Variants in TM2D2 observed in about 807,000 individuals in gnomAD.
The protein encoded by TM2D2 is TM2 domain containing 2, also known as TM2 domain-containing protein 2.
Under a neutral mutation model 23.0 loss-of-function variants are expected in TM2D2, and 19 were observed. That is an observed-to-expected ratio of 0.82 (90% confidence interval 0.58 to 1.21). The LOEUF (loss-of-function observed/expected upper bound fraction) is 1.21. TM2D2 is among the 50% of genes most tolerant of loss of function. The pLI is 0.00. For synonymous variants in TM2D2, 120 were observed against 108.8 expected (o/e 1.10, Z -0.64); for missense variants, 246 against 265.4 (o/e 0.93, Z 0.51).
Position 38,991,309 on chromosome 8 carries a change from C to G in TM2D2, c.*23G>C, listed in dbSNP as rs746672035. 2.5e-6 allele frequency: 4 copies of G among 1,604,670 alleles called. No individual in the cohort carries two copies. In the South Asian group the frequency reaches 3.3e-5, roughly 13 times the overall value. The stretch of plus-strand genomic sequence containing the variant: ...GAAGACGGAGCTTTCACCCGCCTCC[C>G]TGGGCCATGATGGCAGCTCTTCTTA... On this transcript the variant is annotated 3_prime_UTR_variant, in exon 4 of 4. Coordinates refer to ENST00000456397, the MANE Select transcript of TM2D2 (RefSeq NM_078473.3).
upstream of TM2D2, chr8:38,996,896 C>G (rs1233249201): frequency 6.8e-7 from 1 of 1,464,834 alleles, no homozygotes; most frequent in Non-Finnish European, 9.1e-7. Context: ...GAGCTCGGAC[C>G]GAGGGCTCAG....
At position 38,996,098 on chromosome 8, in the gene TM2D2, TCA is replaced by T. The variant is rs140825266; in HGVS notation, c.227+113_227+114del. 1.9e-3 allele frequency: 2,380 copies of T among 1,273,438 alleles called. 24 individuals carry two copies. In the African/African-American group the frequency reaches 0.03, roughly 16 times the overall value. The allele number at this position is 1,273,438 out of a possible 1,614,324, so 78.9% of individuals were successfully genotyped here. On this transcript the variant is annotated intron_variant, in intron 1 of 3. Coordinates refer to ENST00000456397, the MANE Select transcript of TM2D2 (RefSeq NM_078473.3). ...CATGATATTTGCCTCCGGAACGACC[TCA>T]GAGAGGCAGGGTCTGAAAAAATGCA...
chr8:38,995,154 C>A (rs1835719575), intron 2 of TM2D2, 164 bp downstream of exon 2: 1 of 566,294 alleles, frequency 1.8e-6, no homozygotes, highest in Non-Finnish European at 3.0e-6. Flanking sequence ...AACCAAATAT[C>A]TTGTTCAGTC....
At chr8:38,995,256 G>T in intron 2 of TM2D2, 62 bp downstream of exon 2, 1 of 1,184,084 alleles carries the variant, frequency 8.4e-7, no homozygotes, top group Non-Finnish European at 1.2e-6. Context: ...TTATGTAATA[G>T]CATTCAGACA....
At chr8:38,995,276 C>T in intron 2 of TM2D2, 42 bp downstream of exon 2, 1 of 1,371,514 alleles carries the variant, frequency 7.3e-7, no homozygotes. Context: ...ATTCCTATTT[C>T]GTTATCGAAG....
chr8:38,991,550 G>A lies in TM2D2; in HGVS notation c.432-5C>T, dbSNP rs199615903. ...ATGAAGTAGTGTCCGGTATACCTAG[G>A]TGAAAGGAATGAAAAGGAAGATGTT... On this transcript the variant is annotated splice_region_variant and splice_polypyrimidine_tract_variant and intron_variant, in intron 3 of 3. Coordinates refer to ENST00000456397, the MANE Select transcript of TM2D2 (RefSeq NM_078473.3). 4.2e-5 allele frequency: 68 copies of A among 1,604,086 alleles called. No homozygotes were observed. The highest frequency in any genetic ancestry group is 5.2e-5 in the Non-Finnish European group (61 of 1,171,110).
intron 3 of TM2D2, among the ~76,000 whole-genome samples, chr8:38,992,647 A>C (rs1173051985): frequency 2.0e-5 from 3 of 152,178 alleles, no homozygotes; most frequent in Non-Finnish European, 4.4e-5. Flanking sequence ...TGGATTGGAC[A>C]AGAAGTCATC....
upstream of TM2D2, chr8:38,996,655 C>A: frequency 1.4e-6 from 2 of 1,429,718 alleles, no homozygotes; most frequent in Non-Finnish European, 9.1e-7. Flanking sequence ...TCTGCTTCTG[C>A]TTCTCGATTC....
upstream of TM2D2, chr8:38,996,880 G>A (rs1835823365): frequency 5.5e-6 from 8 of 1,463,214 alleles, no homozygotes; most frequent in South Asian, 6.5e-5. Flanking sequence ...AGGCGATGTC[G>A]GGAGCGAGCT....
Position 38,995,909 on chromosome 8 carries a change from T to A in TM2D2, c.227+304A>T. On this transcript the variant is annotated intron_variant, in intron 1 of 3. Transcript: ENST00000456397. ...TGGCACCGAATCGACCGACTAATAC[T>A]CTCCTTGGGCTAAAGGGCGCAGGGC... The A allele has an allele frequency of 3.7e-6, 3 of 810,436 alleles. No individual in the cohort carries two copies. In the East Asian group the frequency reaches 1.1e-4, roughly 29 times the overall value. 50.2% of individuals were successfully genotyped at this position (810,436 alleles called of 1,614,324 possible).
At chr8:38,992,752 C>T (rs1428506480) in intron 3 of TM2D2, among the ~76,000 whole-genome samples, 2 of 152,178 alleles carry the variant, frequency 1.3e-5, no homozygotes, top group African/African-American at 2.4e-5. Context: ...CAGCTGGCTT[C>T]CTGCATGTAG....
chr8:38,993,915 C>T (rs540037003), intron 2 of TM2D2: 1 of 277,764 alleles, frequency 3.6e-6, no homozygotes, highest in East Asian at 6.6e-5. Flanking sequence ...TAAAAAAAAC[C>T]CCCAAACACA....
upstream of TM2D2, chr8:38,996,692 C>T: frequency 1.4e-6 from 2 of 1,424,164 alleles, no homozygotes; most frequent in Non-Finnish European, 1.8e-6. Flanking sequence ...GCTCCTCCTT[C>T]TTTTGCGCCG....
At chr8:38,996,172 A>T (rs745999755) in intron 1 of TM2D2, 41 bp downstream of exon 1, 4 of 1,591,224 alleles carry the variant, frequency 2.5e-6, no homozygotes, top group Non-Finnish European at 3.4e-6. Flanking sequence ...TATTCCTGGC[A>T]CACCCTCCAC....
upstream of TM2D2, chr8:38,996,982 G>C (rs1175832836): frequency 1.5e-5 from 23 of 1,536,018 alleles, no homozygotes; most frequent in Admixed American, 1.9e-4. Context: ...CAGACTTGGG[G>C]CCCCGGCAGG....
At chr8:38,995,287 G>T in intron 2 of TM2D2, 31 bp downstream of exon 2, 1 of 1,449,528 alleles carries the variant, frequency 6.9e-7, no homozygotes, top group Non-Finnish European at 9.4e-7. Flanking sequence ...GTTATCGAAG[G>T]GTTTGCTCTT....
At position 38,993,650 on chromosome 8, in the gene TM2D2, T is replaced by C. The variant is rs761818812; in HGVS notation, c.326A>G (p.Gln109Arg). Residue 109 changes from glutamine (Q) to arginine (R), a missense_variant, in exon 3 of 4, where the codon CAG becomes CGG. This residue lies in a region of TM2D2 where 212 missense variants were observed against 202.2 expected (regional missense o/e 1.05). Transcript: ENST00000456397. ...AGTGTGTTCCACGTCGCTGTAGGCC[T>C]GACCGCCGAACTGTGGAATAACAAC... ...LGYGCLKFGG[Q>R]AYSDVEHTSV... 1 of 1,613,002 alleles carries C rather than the reference T, an allele frequency of 6.2e-7. No individual in the cohort carries two copies. The highest frequency in any genetic ancestry group is 2.2e-5 in the East Asian group (1 of 44,840).
Position 38,993,603 on chromosome 8 carries a change from C to G in TM2D2, c.373G>C (p.Asp125His), listed in dbSNP as rs1835668261. ...CTAGGACTGGCACACTCAATTCCAT[C>G]TAAGGCATGGCACTGGACTGAAGTG... ...EHTSVQCHAL[D>H]GIECASPRTF... is the part of the protein sequence containing the mutation. Residue 125 changes from aspartate (D) to histidine (H), a missense_variant, in exon 3 of 4, where the codon GAT becomes CAT. Asp to His is a moderately conservative substitution (Grantham distance 81). This residue lies in a region of TM2D2 where 212 missense variants were observed against 202.2 expected (regional missense o/e 1.05). Transcript: ENST00000456397. 6.2e-7 allele frequency: 1 copy of G among 1,613,946 alleles called. No individual in the cohort carries two copies. Among genetic ancestry groups the G allele is most frequent in the African/African-American group, 1.3e-5 (1 of 74,932 alleles).
Position 38,990,199 on chromosome 8 carries a change from A to C in TM2D2, c.*1133T>G, listed in dbSNP as rs1835562653. On this transcript the variant is annotated 3_prime_UTR_variant, in exon 4 of 4. Transcript: ENST00000456397. ...ACAAAATGATAGAATGTATCCAGGG[A>C]AGTTATTTCAACTGTGATATTTGGT... 1 of 152,230 alleles carries C rather than the reference A, an allele frequency of 6.6e-6. No homozygotes were observed. The highest frequency in any genetic ancestry group is 1.5e-5 in the Non-Finnish European group (1 of 68,044). 9.4% of individuals were successfully genotyped at this position (152,230 alleles called of 1,614,324 possible).
Sources: allele counts gnomAD v4.1 joint callset (sites outside exome capture counted in the v4.1 genomes callset), GRCh38; gene constraint gnomAD v4.1.1; regional missense constraint gnomAD v4.1.1; transcripts MANE v1.5; gene names NCBI Gene and HGNC (gene_info 2026-07-23, HGNC 2026-07-21).